The following LCN6 variants were observed in gnomAD, a reference collection of about 807,000 sequenced individuals.
LCN6 encodes lipocalin 6.
In LCN6, 20 loss-of-function variants were observed where a neutral mutation model predicts 21.4. The observed-to-expected ratio is 0.93, with a 90% CI of 0.66 to 1.36. The LOEUF is 1.36. Ranked by LOEUF, LCN6 falls within the 40% of genes most tolerant of loss-of-function variation. The pLI, the probability that LCN6 is intolerant of heterozygous loss-of-function variation, is 0.00. For synonymous variants in LCN6, 96 were observed against 89.0 expected (o/e 1.08, Z -0.44); for missense variants, 217 against 206.6 (o/e 1.05, Z -0.31).
chr9:136,748,499 C>T lies in LCN6; in HGVS notation c.-16G>A. On this transcript the variant is annotated 5_prime_UTR_variant, in exon 1 of 7. The change creates a new upstream start codon in the 5' untranslated region. Coordinates refer to ENST00000341206, the MANE Select transcript of LCN6 (RefSeq NM_198946.3). The stretch of plus-strand genomic sequence containing the variant: ...GGCCGCCCATCCTCCCAGGTCTACA[C>T]TGCGCCGCAGGCCCAGGATGTGCAG... The T allele has an allele frequency of 1.9e-5, 30 of 1,611,238 alleles. No individual in the cohort carries two copies. Among genetic ancestry groups the T allele is most frequent in the Non-Finnish European group, 2.5e-5 (29 of 1,179,006 alleles).
At chr9:136,747,876 A>AC (rs1164521391) in intron 1 of LCN6, among the ~76,000 whole-genome samples, 3 of 73,922 alleles carry the variant, frequency 4.1e-5, no homozygotes, top group Non-Finnish European at 8.0e-5. Context: ...CCAGCTTCCA[A>AC]CCCCCCAGAC....
At position 136,748,409 on chromosome 9, in the gene LCN6, T is replaced by C. The variant is rs753566727; in HGVS notation, c.75A>G (p.Arg25=). The C allele has an allele frequency of 3.7e-5, 59 of 1,612,480 alleles. No homozygotes were observed. Among genetic ancestry groups the C allele is most frequent in the Non-Finnish European group, 4.7e-5 (56 of 1,179,760 alleles). ...VPRAQAVWLG[R]LDPEQLLGPW... ...AGGACTGTACCTGCTCAGGGTCCAG[T>C]CTTCCCAACCACACGGCCTGGGCCC... The change falls in exon 1 of 7, where the codon AGA becomes AGG. Residue 25 remains arginine (R), a synonymous_variant. Transcript: ENST00000341206.
At position 136,745,200 on chromosome 9, in the gene LCN6, C is replaced by T; in HGVS notation, c.382G>A (p.Asp128Asn). ...AGCTCCACGGTGTTGAAGGGCTCGT[C>T]CCCGAACTCCAGCTGAGTGAAGATG... is the stretch of plus-strand genomic sequence containing the variant. ...AIIFTQLEFG[D>N]EPFNTVELYS... Residue 128 changes from aspartate (D) to asparagine (N), a missense_variant, in exon 4 of 7, where the codon GAC (aspartate) becomes AAC (asparagine). Physicochemically the swap from Asp to Asn is conservative, Grantham distance 23. Transcript: ENST00000341206. 1 of 1,613,522 alleles carries T rather than the reference C, an allele frequency of 6.2e-7. No homozygotes were observed. The highest frequency in any genetic ancestry group is 1.1e-5 in the South Asian group (1 of 91,082).
chr9:136,746,385 G>A (rs1847038980), intron 2 of LCN6, among the ~76,000 whole-genome samples: 1 of 141,828 alleles, frequency 7.1e-6, no homozygotes, highest in Non-Finnish European at 1.5e-5. Flanking sequence ...TCAGGGGAAG[G>A]ATGGGGCGGG....
chr9:136,746,272 C>T (rs962703671), intron 2 of LCN6, among the ~76,000 whole-genome samples: 5 of 24,266 alleles, frequency 2.1e-4, no homozygotes, highest in East Asian at 1.6e-3. Flanking sequence ...AAGGATGGGG[C>T]GGGGTGGGGG....
Position 136,747,587 on chromosome 9 carries a change from G to A in LCN6, c.91-24C>T, listed in dbSNP as rs1847059091. ...AGCTGCATTGAGGCGGCTCCCGTTAGGGCCGCCAGCCCTCCAGCCTCCAGC... is the reference window on the plus strand; with the variant it reads ...AGCTGCATTGAGGCGGCTCCCGTTAAGGCCGCCAGCCCTCCAGCCTCCAGC... On this transcript the variant is annotated intron_variant, in intron 1 of 6. Transcript: ENST00000341206. 17 of 1,602,360 alleles carry A rather than the reference G, an allele frequency of 1.1e-5. No individual in the cohort carries two copies. In the East Asian group the frequency reaches 3.8e-4, roughly 36 times the overall value.
In LCN6 at chr9:136,744,606, A is replaced by G; in HGVS notation, c.*22+34T>C. ...CCTGTGGGCTCCAGAACTTGCCCCA[A>G]GCCTCCCCCGAGGCTGCTCCGGTGG... is the stretch of plus-strand genomic sequence containing the variant. On this transcript the variant is annotated intron_variant, in intron 5 of 6. Coordinates refer to ENST00000341206, the MANE Select transcript of LCN6 (RefSeq NM_198946.3). This position sits in a 1 kb window ranked among gnomAD's most constrained non-coding sequence, Gnocchi z 4.2. The G allele has an allele frequency of 7.0e-7, 1 of 1,424,668 alleles. No homozygotes were observed. Among genetic ancestry groups the G allele is most frequent in the African/African-American group, 1.4e-5 (1 of 71,546 alleles). The allele number at this position is 1,424,668 out of a possible 1,614,324, so 88.3% of individuals were successfully genotyped here. A position where few individuals can be genotyped will look rare whatever the true frequency, so the allele number is the denominator to read the frequency against.
rs188989063 is a variant in LCN6 at position 136,747,538 on chromosome 9, G to T, written c.116C>A (p.Ala39Glu). ...AAAGCCCTTTTCCCGGGAGGCCACC[G>T]CAAGCACGTACCAGGGCCCAAGAAG... ...EQLLGPWYVL[A>E]VASREKGFAM... The change falls in exon 2 of 7, where the codon GCG becomes GAG. Residue 39 changes from alanine (A) to glutamate (E), a missense_variant. Ala to Glu is a moderately radical substitution (Grantham distance 107, BLOSUM62 -1). Transcript: ENST00000341206. 6.2e-7 allele frequency: 1 copy of T among 1,612,316 alleles called. No individual in the cohort carries two copies. Among genetic ancestry groups the T allele is most frequent in the Non-Finnish European group, 8.5e-7 (1 of 1,179,816 alleles).
At chr9:136,745,309 G>A (rs2131076560) in intron 3 of LCN6, 29 bp from the exon 4 acceptor site, 1 of 1,501,228 alleles carries the variant, frequency 6.7e-7, no homozygotes, top group Admixed American at 1.7e-5. Flanking sequence ...CGCCTCAGGG[G>A]AGGGCAGCTG....
chr9:136,744,737 C>T lies in LCN6; in HGVS notation c.417G>A (p.Leu139=), dbSNP rs1847010734. The change falls in exon 5 of 7, where the codon CTG becomes CTA. Residue 139 remains leucine (L), a synonymous_variant. Transcript: ENST00000341206. This position sits in a 1 kb window ranked among gnomAD's most constrained non-coding sequence, Gnocchi z 4.2. ...TGGCCTCCTGGCTGGCTGTCTCCGT[C>T]AGACCTGGGGGCACCAGGGCAGTGC... The part of the protein sequence containing the change: ...EPFNTVELYS[L]TETASQEAMG... 6.2e-7 allele frequency: 1 copy of T among 1,608,272 alleles called. No individual in the cohort carries two copies. The highest frequency in any genetic ancestry group is 2.2e-5 in the East Asian group (1 of 44,762).
chr9:136,745,031 G>A, intron 4 of LCN6, 139 bp downstream of exon 4: 1 of 808,226 alleles, frequency 1.2e-6, no homozygotes, highest in South Asian at 1.5e-5. Flanking sequence ...CTCCCCACAT[G>A]GCCCCCGAGC....
chr9:136,744,722 G>A lies in LCN6; in HGVS notation c.432C>T (p.Ser144=), dbSNP rs774261451. The change falls in exon 5 of 7, where the codon AGC becomes AGT. Residue 144 remains serine (S), a synonymous_variant. Coordinates refer to ENST00000341206, the MANE Select transcript of LCN6 (RefSeq NM_198946.3). The surrounding 1 kb of genome is among the most constrained non-coding windows in gnomAD (Gnocchi z 4.2). The part of the protein sequence containing the change: ...VELYSLTETA[S]QEAMGLFTKW... ...TGGTGAAGAGCCCCATGGCCTCCTG[G>A]CTGGCTGTCTCCGTCAGACCTGGGG... is the stretch of plus-strand genomic sequence containing the variant. 7 of 1,609,872 alleles carry A rather than the reference G, an allele frequency of 4.3e-6. No homozygotes were observed. The highest frequency in any genetic ancestry group is 5.9e-6 in the Non-Finnish European group (7 of 1,178,096).
chr9:136,745,909 C>T lies in LCN6; in HGVS notation c.236G>A (p.Gly79Glu). Residue 79 changes from glycine to glutamate, a missense_variant, in exon 3 of 7, where the codon GGA (glycine) becomes GAA (glutamate). Coordinates refer to ENST00000341206, the MANE Select transcript of LCN6 (RefSeq NM_198946.3). ...GTCCATGACACTCTGGTCACACCCTCCCAGCCTGGAAAAGAAGGGGCCTGT... is the reference window on the plus strand; with the variant it reads ...GTCCATGACACTCTGGTCACACCCTTCCAGCCTGGAAAAGAAGGGGCCTGT... ...LRTLSSQHGL[G>E]GCDQSVMDLI... 1 of 1,613,710 alleles carries T rather than the reference C, an allele frequency of 6.2e-7. No homozygotes were observed. The highest frequency in any genetic ancestry group is 8.5e-7 in the Non-Finnish European group (1 of 1,179,906).
At chr9:136,745,767 T>C (rs1847028862) in intron 3 of LCN6, 77 bp downstream of exon 3, 3 of 1,334,182 alleles carry the variant, frequency 2.2e-6, no homozygotes, top group Admixed American at 3.4e-5. Flanking sequence ...GAGTCAGCCC[T>C]CCGTCCCTGC....
At chr9:136,746,037 C>T (rs1847032465) in intron 2 of LCN6, 123 bp from the exon 3 acceptor site, 1 of 823,968 alleles carries the variant, frequency 1.2e-6, no homozygotes. Context: ...CATCTTCTGC[C>T]AGATGCCCCG....
At chr9:136,745,071 G>A in intron 4 of LCN6, 99 bp downstream of exon 4, 1 of 982,626 alleles carries the variant, frequency 1.0e-6, no homozygotes, top group East Asian at 2.4e-5. Flanking sequence ...TCCCCACGCG[G>A]CCCCCAAGCG....
Position 136,748,470 on chromosome 9 carries a change from A to G in LCN6, c.14T>C (p.Leu5Pro). Reference sequence around the variant, plus strand: ...GACCAAAGCCAGAAAAGCAGCCAGCAGCAGGCCGCCCATCCTCCCAGGTCT... The same window carrying G: ...GACCAAAGCCAGAAAAGCAGCCAGCGGCAGGCCGCCCATCCTCCCAGGTCT... MGGL[L>P]LAAFLALVSV... Residue 5 changes from leucine to proline, a missense_variant, in exon 1 of 7, where the codon CTG (leucine) becomes CCG (proline). Leu to Pro is a moderately conservative substitution (Grantham distance 98). Transcript: ENST00000341206. 1.2e-6 allele frequency: 2 copies of G among 1,612,906 alleles called. No individual in the cohort carries two copies. Among genetic ancestry groups the G allele is most frequent in the Non-Finnish European group, 1.7e-6 (2 of 1,179,850 alleles).
intron 3 of LCN6, 171 bp from the exon 4 acceptor site, chr9:136,745,451 G>A (rs1296486863): frequency 4.5e-5 from 24 of 530,194 alleles, no homozygotes; most frequent in Admixed American, 3.2e-4. Context: ...CCCCACCCCC[G>A]ACCCCACCTG....
At chr9:136,745,716 T>C in intron 3 of LCN6, 128 bp downstream of exon 3, 1 of 803,708 alleles carries the variant, frequency 1.2e-6, no homozygotes, top group Non-Finnish European at 2.1e-6. Context: ...TGGGCAGCAA[T>C]CCCAAGACCA....
Sources: allele counts gnomAD v4.1 joint callset (sites outside exome capture counted in the v4.1 genomes callset), GRCh38; gene constraint gnomAD v4.1.1; non-coding constraint Gnocchi (gnomAD v3.1); transcripts MANE v1.5; gene names NCBI Gene and HGNC (gene_info 2026-07-23, HGNC 2026-07-21).